The following ROBO1 variants were observed in gnomAD, a reference collection of about 807,000 sequenced individuals.
ROBO1 encodes the protein roundabout guidance receptor 1.
In ROBO1, 149 loss-of-function variants were observed where a neutral mutation model predicts 195.9. The ratio of observed to expected loss-of-function variants is 0.76; its 90% confidence interval spans 0.67 to 0.87. The LOEUF is 0.87. Among genes scored for constraint, ROBO1 ranks in the 40% least tolerant of loss-of-function variants. The probability of loss-of-function intolerance (pLI) is 0.00; values close to 1 mark genes in which losing one functional copy is unlikely to be tolerated. For synonymous variants in ROBO1, 816 were observed against 733.2 expected (o/e 1.11, Z -1.82); for missense variants, 1,933 against 2,068.3 (o/e 0.93, Z 1.27).
rs114641925 is a variant in ROBO1 at position 79,425,236 on chromosome 3, G to C, written c.88+164588C>G. 4.6e-3 allele frequency among the ~76,000 whole-genome samples: 695 copies of C among 152,238 alleles called. 2 individuals carry two copies. The highest frequency in any genetic ancestry group is 0.014 in the African/African-American group (577 of 41,542). On this transcript the variant is annotated intron_variant, in intron 2 of 30. Transcript: ENST00000464233. ...AGAATTACATGGAGGAAAAGGTCAT[G>C]GACAGAAACTTGTTAGAAACGGACC...
intron 4 of ROBO1, among the ~76,000 whole-genome samples, chr3:78,909,861 T>A (rs1445302674): frequency 6.6e-6 from 1 of 151,770 alleles, no homozygotes; most frequent in East Asian, 1.9e-4. Context: ...ATATAAAAGA[T>A]AATTTTAATA....
chr3:79,012,227 C>A (rs1286672817), intron 3 of ROBO1, among the ~76,000 whole-genome samples: 1 of 152,172 alleles, frequency 6.6e-6, no homozygotes, highest in African/African-American at 2.4e-5. Flanking sequence ...TTATTAGGAA[C>A]CAAAACCGAC....
At chr3:79,628,550 A>T (rs1042057711) in intron 1 of ROBO1, among the ~76,000 whole-genome samples, 1 of 152,326 alleles carries the variant, frequency 6.6e-6, no homozygotes, top group Admixed American at 6.5e-5. Flanking sequence ...ACCATGGCAC[A>T]GGTATACCTA....
chr3:78,847,332 G>T (rs925068776), intron 4 of ROBO1, among the ~76,000 whole-genome samples: 6 of 152,036 alleles, frequency 3.9e-5, no homozygotes, highest in African/African-American at 1.4e-4. Context: ...ACATAATAGG[G>T]ACCAGAAATG....
chr3:79,697,035 G>A (rs1297936588), intron 1 of ROBO1, among the ~76,000 whole-genome samples: 1 of 151,322 alleles, frequency 6.6e-6, no homozygotes, highest in African/African-American at 2.4e-5. Context: ...CTACAAGTCG[G>A]AGAAAAATAA....
chr3:79,647,696 G>C (rs984591562), intron 1 of ROBO1, among the ~76,000 whole-genome samples: 1 of 152,028 alleles, frequency 6.6e-6, no homozygotes, highest in Non-Finnish European at 1.5e-5. Context: ...TTGATGTGGA[G>C]AAGCCCTGCT....
intron 1 of ROBO1, among the ~76,000 whole-genome samples, chr3:79,702,513 C>G (rs1385948809): frequency 6.6e-6 from 1 of 151,886 alleles, no homozygotes; most frequent in African/African-American, 2.4e-5. Context: ...AGCATACCTG[C>G]TACTTTTCCT....
intron 2 of ROBO1, among the ~76,000 whole-genome samples, chr3:79,455,982 T>C (rs2039607811): frequency 6.6e-6 from 1 of 152,118 alleles, no homozygotes; most frequent in Non-Finnish European, 1.5e-5. Flanking sequence ...ATGTATCCTG[T>C]GGGCACCATC....
At chr3:79,728,359 C>T (rs1424625917) in intron 1 of ROBO1, among the ~76,000 whole-genome samples, 1 of 152,068 alleles carries the variant, frequency 6.6e-6, no homozygotes, top group Admixed American at 6.6e-5. Context: ...TGGGTTGTCA[C>T]TTGATAAAGA....
chr3:79,759,462 C>G (rs1454817950), intron 1 of ROBO1, among the ~76,000 whole-genome samples: 7 of 152,130 alleles, frequency 4.6e-5, no homozygotes, highest in Non-Finnish European at 1.0e-4. Flanking sequence ...GTACTGAAGT[C>G]CATTTCTAAG....
chr3:79,696,583 T>C (rs1275187171), intron 1 of ROBO1, among the ~76,000 whole-genome samples: 9 of 151,170 alleles, frequency 6.0e-5, no homozygotes, highest in African/African-American at 1.7e-4. Flanking sequence ...TTTGTATTGT[T>C]TTCTAAGCTC....
chr3:79,533,922 T>G (rs7431980), intron 2 of ROBO1, among the ~76,000 whole-genome samples: 86,734 of 151,654 alleles, frequency 0.57, 24,917 homozygotes, highest in Non-Finnish European at 0.6. Flanking sequence ...AGAGAATTAA[T>G]GTAGCAGATG....
At chr3:79,193,437 A>G (rs2081576178) in intron 2 of ROBO1, among the ~76,000 whole-genome samples, 1 of 151,594 alleles carries the variant, frequency 6.6e-6, no homozygotes, top group South Asian at 2.1e-4. Context: ...AGGCTCAAAA[A>G]TCACCAGCTA....
chr3:79,411,745 G>C (rs1309347030), intron 2 of ROBO1, among the ~76,000 whole-genome samples: 1 of 152,148 alleles, frequency 6.6e-6, no homozygotes, highest in Non-Finnish European at 1.5e-5. Flanking sequence ...GGAGCTTACG[G>C]AATGTGGAGC....
intron 3 of ROBO1, among the ~76,000 whole-genome samples, chr3:78,998,185 A>G (rs2077413371): frequency 6.6e-6 from 1 of 152,178 alleles, no homozygotes. Context: ...TTCAAAATTG[A>G]AGATAATGCA....
chr3:79,197,178 A>G (rs1463133869), intron 2 of ROBO1, among the ~76,000 whole-genome samples: 1 of 151,648 alleles, frequency 6.6e-6, no homozygotes, highest in Non-Finnish European at 1.5e-5. Context: ...TCCTAATGCT[A>G]TCTCTCTCCC....
chr3:78,796,405 C>T (rs1256484977), intron 4 of ROBO1, among the ~76,000 whole-genome samples: 1 of 102,526 alleles, frequency 9.8e-6, no homozygotes, highest in African/African-American at 3.9e-5. Context: ...TATCCACATG[C>T]ACACACATTC....
intron 1 of ROBO1, among the ~76,000 whole-genome samples, chr3:79,609,897 A>C (rs1213239482): frequency 6.6e-6 from 1 of 151,918 alleles, no homozygotes; most frequent in Non-Finnish European, 1.5e-5. Context: ...TCCATTTTGC[A>C]AGATGAAAAC....
At chr3:79,425,360 G>T (rs1229579147) in intron 2 of ROBO1, among the ~76,000 whole-genome samples, 1 of 152,062 alleles carries the variant, frequency 6.6e-6, no homozygotes, top group Non-Finnish European at 1.5e-5. Context: ...CCGTAGTTCA[G>T]GTGACAATAA....
Sources: gnomAD v4.1 joint callset for allele counts (sites outside exome capture counted in the v4.1 genomes callset) on GRCh38, gnomAD v4.1.1 for gene constraint, MANE v1.5 for transcripts, NCBI Gene and HGNC (gene_info 2026-07-23, HGNC 2026-07-21) for gene names.